ZCCHC2: variants seen among roughly 807,000 people sequenced by gnomAD.
ZCCHC2 encodes the protein zinc finger CCHC-type containing 2.
A neutral mutation model predicts 103.6 loss-of-function variants in ZCCHC2; 39 were observed. The ratio of observed to expected loss-of-function variants is 0.38; its 90% CI spans 0.29 to 0.49. ZCCHC2 has a LOEUF of 0.49. Ranked by LOEUF, ZCCHC2 falls within the 20% of genes least tolerant of loss-of-function variation. The probability of loss-of-function intolerance (pLI) is 0.96; values close to 1 mark genes in which losing one functional copy is unlikely to be tolerated. For missense variants in ZCCHC2, 1,483 were observed against 1,491.0 expected (o/e 0.99, Z 0.09); for synonymous variants, 687 against 608.9 (o/e 1.13, Z -1.89).
In ZCCHC2 at chr18:62,562,998, T is replaced by G; in HGVS notation, c.1551-11T>G. ...CAGATTTTCACACTTTCATAAACTT[T>G]TCTTTGGTAGCAATATTGGTACAAG... On this transcript the variant is annotated splice_polypyrimidine_tract_variant and intron_variant, in intron 8 of 13. Transcript: ENST00000269499. 5.6e-6 allele frequency: 9 copies of G among 1,600,386 alleles called. No homozygotes were observed. Among genetic ancestry groups the G allele is most frequent in the Middle Eastern group, 3.3e-4 (2 of 6,024 alleles).
intron 1 of ZCCHC2, among the ~76,000 whole-genome samples, chr18:62,535,624 T>C (rs1379234868): frequency 1.3e-5 from 2 of 152,160 alleles, no homozygotes; most frequent in African/African-American, 4.8e-5. Context: ...GAGAAGTGCA[T>C]GTCTCATGTG....
chr18:62,530,616 T>TTG (rs1239053541), intron 1 of ZCCHC2, among the ~76,000 whole-genome samples: 2 of 152,210 alleles, frequency 1.3e-5, no homozygotes, highest in African/African-American at 4.8e-5. Context: ...GGACAGGCAA[T>TTG]TGAAAAGGTG....
chr18:62,527,900 G>T (rs1404630707), intron 1 of ZCCHC2, among the ~76,000 whole-genome samples: 1 of 152,198 alleles, frequency 6.6e-6, no homozygotes, highest in Non-Finnish European at 1.5e-5. Context: ...TCATTGAAAA[G>T]ACAGGAAGCA....
intron 1 of ZCCHC2, chr18:62,525,254 A>G (rs560611959): frequency 3.0e-3 from 458 of 152,356 alleles, no homozygotes; most frequent in Non-Finnish European, 4.9e-3. Context: ...CGCAAACATT[A>G]AAGATGAATT....
Position 62,574,064 on chromosome 18 carries a change from C to G in ZCCHC2, c.1983C>G (p.Asp661Glu). 6.2e-7 allele frequency: 1 copy of G among 1,612,364 alleles called. No homozygotes were observed. Among genetic ancestry groups the G allele is most frequent in the Non-Finnish European group, 8.5e-7 (1 of 1,178,988 alleles). The change falls in exon 13 of 14, where the codon GAC becomes GAG. Residue 661 changes from aspartate to glutamate, a missense_variant. Coordinates refer to ENST00000269499, the MANE Select transcript of ZCCHC2 (RefSeq NM_017742.6). Reference sequence around the variant, plus strand: ...TATGTTTGTTTTCTTTAGACACAGACAGCAATTCTGAGGATTCTGGGAATC... The same window carrying G: ...TATGTTTGTTTTCTTTAGACACAGAGAGCAATTCTGAGGATTCTGGGAATC... The part of the protein sequence containing the change: ...ESEEEKDRDT[D>E]SNSEDSGNPS...
chr18:62,562,967 T>C (rs941626460), intron 8 of ZCCHC2, 42 bp from the exon 9 acceptor site: 3 of 1,580,878 alleles, frequency 1.9e-6, no homozygotes, highest in African/African-American at 1.3e-5. Flanking sequence ...AGGTTATTAT[T>C]GAGGGCAGAT....
intron 4 of ZCCHC2, among the ~76,000 whole-genome samples, chr18:62,547,876 C>A (rs1305896012): frequency 1.3e-5 from 2 of 151,910 alleles, no homozygotes; most frequent in Non-Finnish European, 2.9e-5. Context: ...CTGTTTTTTT[C>A]TTCTTAGCAA....
rs78170746 is a variant in ZCCHC2, at chr18:62,547,915, T to C, written c.1201-2433T>C. Among the ~76,000 whole-genome samples, 1,178 of 152,316 alleles carry C rather than the reference T, an allele frequency of 7.7e-3. 14 individuals carry two copies. Among genetic ancestry groups the C allele is most frequent in the African/African-American group, 0.027 (1,124 of 41,568 alleles). On this transcript the variant is annotated intron_variant, in intron 4 of 13. Transcript: ENST00000269499. ...CAGCTGTCATTTCTCATGATCAGAA[T>C]GTCTACTCTGTGCAGCCAGGGTTTT...
rs1266324316 is a variant in ZCCHC2, at chr18:62,523,901, G to A, written c.477G>A (p.Gly159=). Residue 159 remains glycine, a synonymous_variant, in exon 1 of 14, where the codon GGG becomes GGA. Transcript: ENST00000269499. ...EAKANGLSDP[G]PLADFREPAV... ...AGGCCAACGGCCTCTCGGACCCGGG[G>A]CCGCTGGCCGACTTCCGAGAGCCCG... 1.3e-6 allele frequency: 2 copies of A among 1,538,394 alleles called. No homozygotes were observed. Among genetic ancestry groups the A allele is most frequent in the South Asian group, 1.2e-5 (1 of 83,730 alleles).
rs1363969885 is a variant in ZCCHC2 at position 62,577,737 on chromosome 18, A to G, written c.*1158A>G. The G allele has an allele frequency of 1.4e-5, 2 of 143,398 alleles. No homozygotes were observed. The highest frequency in any genetic ancestry group is 3.0e-5 in the Non-Finnish European group (2 of 66,752). The allele number at this position is 143,398 out of a possible 1,614,324, so 8.9% of individuals were successfully genotyped here. A position where few individuals can be genotyped will look rare whatever the true frequency, so the allele number is the denominator to read the frequency against. On this transcript the variant is annotated 3_prime_UTR_variant, in exon 14 of 14. Coordinates refer to ENST00000269499, the MANE Select transcript of ZCCHC2 (RefSeq NM_017742.6). ...ATGTCGGTGTCATGTCACTAAGTTT[A>G]ATGCTGCTGTTTTTAAAAAAAAAAA...
At chr18:62,559,043 A>G (rs1217013270) in intron 7 of ZCCHC2, among the ~76,000 whole-genome samples, 1 of 152,278 alleles carries the variant, frequency 6.6e-6, no homozygotes, top group African/African-American at 2.4e-5. Context: ...TTAGATTCCC[A>G]GTTACATCAT....
chr18:62,567,267 A>AT (rs1311708120), intron 11 of ZCCHC2, among the ~76,000 whole-genome samples: 2 of 152,146 alleles, frequency 1.3e-5, no homozygotes, highest in Admixed American at 6.5e-5. Flanking sequence ...GTGCCTAAGG[A>AT]TTTTTTTATG....
intron 2 of ZCCHC2, among the ~76,000 whole-genome samples, chr18:62,540,940 C>T (rs1915144119): frequency 6.6e-6 from 1 of 152,136 alleles, no homozygotes. Context: ...GTTCCCATGT[C>T]CTGTAATGTC....
chr18:62,547,597 G>T (rs1915477176), intron 4 of ZCCHC2, among the ~76,000 whole-genome samples: 1 of 151,244 alleles, frequency 6.6e-6, no homozygotes, highest in South Asian at 2.1e-4. Context: ...CATATCCCAG[G>T]CTGGAGTGTA....
rs939851063 is a variant in ZCCHC2 at position 62,523,325 on chromosome 18, G to A, written c.-100G>A. ...GGCCCTCCCCCGGCGGCATGGAGGG[G>A]CCCCGCTCCTGACGGCCGCGCCGCC... On this transcript the variant is annotated 5_prime_UTR_variant, in exon 1 of 14. Transcript: ENST00000269499. 2 of 984,874 alleles carry A rather than the reference G, an allele frequency of 2.0e-6. No homozygotes were observed. The highest frequency in any genetic ancestry group is 2.4e-6 in the Non-Finnish European group (2 of 830,478). 61.0% of individuals were successfully genotyped at this position (984,874 alleles called of 1,614,324 possible).
chr18:62,568,495 A>C (rs1916464240), intron 11 of ZCCHC2, among the ~76,000 whole-genome samples: 1 of 152,206 alleles, frequency 6.6e-6, no homozygotes, highest in Non-Finnish European at 1.5e-5. Context: ...TTATGTATTC[A>C]GTTCTTTGGA....
chr18:62,527,158 A>G lies in ZCCHC2; in HGVS notation c.939+2795A>G, dbSNP rs1277841986. ...CCTTACTATTGGTTAACGTAAAGTTAGCATCTTTTTAATTCTCTTTTCTAT... is the reference window on the plus strand; with the variant it reads ...CCTTACTATTGGTTAACGTAAAGTTGGCATCTTTTTAATTCTCTTTTCTAT... On this transcript the variant is annotated intron_variant, in intron 1 of 13. Coordinates refer to ENST00000269499, the MANE Select transcript of ZCCHC2 (RefSeq NM_017742.6). Among the ~76,000 whole-genome samples, 4 of 152,264 alleles carry G rather than the reference A, an allele frequency of 2.6e-5. No homozygotes were observed. The East Asian group carries it at 7.7e-4, about 29-fold the overall frequency.
Position 62,558,767 on chromosome 18 carries a change from G to C in ZCCHC2, c.1489G>C (p.Glu497Gln). 1 of 1,540,756 alleles carries C rather than the reference G, an allele frequency of 6.5e-7. No homozygotes were observed. The highest frequency in any genetic ancestry group is 2.5e-5 in the East Asian group (1 of 40,752). The change falls in exon 7 of 14, where the codon GAA (glutamate) becomes CAA (glutamine). Residue 497 changes from glutamate to glutamine, a missense_variant. Coordinates refer to ENST00000269499, the MANE Select transcript of ZCCHC2 (RefSeq NM_017742.6). ...CAGCTCTGAAGCTTCAAGTCAAGAA[G>C]AAGGTAAAGGTAGATTCACTAGAGT... ...EDSSEASSQE[E>Q]DVLQHAIIHK... is the part of the protein sequence containing the mutation.
At chr18:62,559,721 T>C (rs192479558) in intron 7 of ZCCHC2, among the ~76,000 whole-genome samples, 1 of 152,348 alleles carries the variant, frequency 6.6e-6, no homozygotes, top group East Asian at 1.9e-4. Context: ...CCTGAACATT[T>C]CAAATGTTAG....
Sources: allele counts gnomAD v4.1 joint callset (sites outside exome capture counted in the v4.1 genomes callset), GRCh38; gene constraint gnomAD v4.1.1; transcripts MANE v1.5; gene names NCBI Gene and HGNC (gene_info 2026-07-23, HGNC 2026-07-21).